Variants in SCN3A observed in about 807,000 individuals in gnomAD.
SCN3A encodes the protein sodium voltage-gated channel alpha subunit 3, also known as sodium channel protein type 3 subunit alpha.
SCN3A carries 60 observed loss-of-function variants against 187.6 expected under a neutral mutation model. The ratio of observed to expected loss-of-function variants is 0.32; its 90% CI spans 0.26 to 0.40. The LOEUF (loss-of-function observed/expected upper bound fraction) is 0.40. Among genes scored for constraint, SCN3A ranks in the 10% least tolerant of loss-of-function variants. SCN3A has a pLI of 1.00. For missense variants in SCN3A, 1,601 were observed against 2,428.2 expected (o/e 0.66, Z 7.16); for synonymous variants, 788 against 829.2 (o/e 0.95, Z 0.85).
intron 9 of SCN3A, among the ~76,000 whole-genome samples, chr2:165,156,904 TTTTTC>T (rs1689086465): frequency 6.6e-6 from 1 of 151,778 alleles, no homozygotes; most frequent in African/African-American, 2.4e-5. Flanking sequence ...TTCATCAGTT[TTTTTC>T]TTTTTTTTTG....
intron 15 of SCN3A, among the ~76,000 whole-genome samples, chr2:165,136,155 G>C (rs1003163236): frequency 1.3e-5 from 2 of 152,112 alleles, no homozygotes; most frequent in African/African-American, 4.8e-5. Context: ...TAGATTTGAT[G>C]CTTTTGTCTA....
At chr2:165,112,661 A>G (rs184435704) in intron 21 of SCN3A, among the ~76,000 whole-genome samples, 230 of 152,282 alleles carry the variant, frequency 1.5e-3, no homozygotes, top group African/African-American at 5.3e-3. Context: ...TATCTATGGT[A>G]AAGAACAATT....
intron 1 of SCN3A, among the ~76,000 whole-genome samples, chr2:165,192,649 A>G (rs1385899073): frequency 1.3e-5 from 2 of 152,158 alleles, no homozygotes; most frequent in East Asian, 1.9e-4. Flanking sequence ...AAAAGACCTC[A>G]GCCTCTGACA....
chr2:165,120,553 A>T (rs571270633), intron 18 of SCN3A, among the ~76,000 whole-genome samples: 12 of 152,158 alleles, frequency 7.9e-5, no homozygotes, highest in African/African-American at 2.9e-4. Flanking sequence ...TCAAGAGGCA[A>T]AATAAAAGAT....
chr2:165,169,993 AG>A (rs1690008906), intron 4 of SCN3A, among the ~76,000 whole-genome samples: 1 of 151,946 alleles, frequency 6.6e-6, no homozygotes, highest in Non-Finnish European at 1.5e-5. Context: ...GAAGACAGGA[AG>A]GACAGAAAGA....
rs558407270 is a variant in SCN3A at position 165,156,512 on chromosome 2, CAAAAAAAAAAAAAAAAAAA to C, written c.1032-628_1032-610del. ...TGGGTGACAGAGCGAGACTCTGACT[CAAAAAAAAAAAAAAAAAAA>C]AAAAAAAAAAAAAAAAAAAAAATTA... is the stretch of plus-strand genomic sequence containing the variant. On this transcript the variant is annotated intron_variant, in intron 9 of 27. Transcript: ENST00000283254. Among the ~76,000 whole-genome samples, 20 of 63,700 alleles carry C rather than the reference CAAAAAAAAAAAAAAAAAAA, an allele frequency of 3.1e-4. No individual in the cohort carries two copies. In the South Asian group the frequency reaches 3.2e-3, roughly 10 times the overall value. The allele number at this position is 63,700 out of a possible 152,430, so 41.8% of individuals were successfully genotyped here.
chr2:165,160,690 G>C (rs1334547310), intron 9 of SCN3A, among the ~76,000 whole-genome samples: 1 of 151,922 alleles, frequency 6.6e-6, no homozygotes, highest in South Asian at 2.1e-4. Flanking sequence ...ATCCAGGCTG[G>C]AGTGTAGTGG....
Position 165,090,612 on chromosome 2 carries a change from G to T in SCN3A, c.5541C>A (p.Ile1847=). The change falls in exon 28 of 28, where the codon ATC becomes ATA. Residue 1847 remains isoleucine (I), a synonymous_variant. Transcript: ENST00000283254. The surrounding 1 kb of genome is among the most constrained non-coding windows in gnomAD (Gnocchi z 4.0). ...AGGCAAATAAAATATCAAGACAGTG[G>T]ATCCGGTCACCACTGACCATGGGCA... ...MDLPMVSGDR[I]HCLDILFAFT... is the part of the protein sequence containing the mutation. 6.2e-7 allele frequency: 1 copy of T among 1,614,012 alleles called. No homozygotes were observed. The highest frequency in any genetic ancestry group is 8.5e-7 in the Non-Finnish European group (1 of 1,179,980).
intron 2 of SCN3A, among the ~76,000 whole-genome samples, chr2:165,179,133 A>AG (rs1276517275): frequency 6.6e-6 from 1 of 151,762 alleles, no homozygotes; most frequent in Non-Finnish European, 1.5e-5. Context: ...TTCTTAGAGG[A>AG]GAAAAAAAAA....
intron 24 of SCN3A, 108 bp from the exon 25 acceptor site, chr2:165,095,756 A>C: frequency 1.6e-6 from 1 of 619,048 alleles, no homozygotes; most frequent in Non-Finnish European, 2.7e-6. Flanking sequence ...CTTTTGCCTT[A>C]CCCTGAGATA....
intron 1 of SCN3A, among the ~76,000 whole-genome samples, chr2:165,199,334 A>G (rs1485848807): frequency 6.6e-6 from 1 of 152,106 alleles, no homozygotes; most frequent in South Asian, 2.1e-4. Context: ...ATGAAAACCT[A>G]ATTCAATTCT....
Position 165,130,057 on chromosome 2 carries a change from A to G in SCN3A, c.2805T>C (p.Ile935=), listed in dbSNP as rs1005744422. Residue 935 remains isoleucine (I), a synonymous_variant, in exon 17 of 28, where the codon ATT becomes ATC. Coordinates refer to ENST00000283254, the MANE Select transcript of SCN3A (RefSeq NM_006922.4). ...ACTCTCCACACAGCACGCGGAACAC[A>G]ATCAGGAAGGAGTGGAAGAAGTCGT... ...HMNDFFHSFL[I]VFRVLCGEWI... The G allele has an allele frequency of 2.7e-5, 44 of 1,614,022 alleles. No homozygotes were observed. Among genetic ancestry groups the G allele is most frequent in the Non-Finnish European group, 3.7e-5 (44 of 1,180,034 alleles).
rs755925430 is a variant in SCN3A, at chr2:165,097,423, C to A, written c.4068G>T (p.Leu1356Phe). 6.2e-7 allele frequency: 1 copy of A among 1,613,968 alleles called. No individual in the cohort carries two copies. The highest frequency in any genetic ancestry group is 1.1e-5 in the South Asian group (1 of 91,064). The change falls in exon 23 of 28, where the codon TTG (leucine) becomes TTT (phenylalanine). Residue 1356 changes from leucine (L) to phenylalanine (F), a missense_variant. This residue lies in a region of SCN3A where 320 missense variants were observed against 623.2 expected (regional missense o/e 0.51). Coordinates refer to ENST00000283254, the MANE Select transcript of SCN3A (RefSeq NM_006922.4). The part of the protein sequence containing the change: ...WLIFSIMGVN[L>F]FAGKFYHCVN... ...CACAGTGGTAGAACTTGCCAGCAAACAAATTCACACCCATGATGCTAAAGA... is the reference window on the plus strand; with the variant it reads ...CACAGTGGTAGAACTTGCCAGCAAAAAAATTCACACCCATGATGCTAAAGA...
At chr2:165,175,997 ATAAG>A in intron 3 of SCN3A, 130 bp downstream of exon 3, 1 of 766,122 alleles carries the variant, frequency 1.3e-6, no homozygotes, top group Non-Finnish European at 2.1e-6. Context: ...TGTGATAAAA[ATAAG>A]TGACAGTGAA....
At chr2:165,149,194 T>C (rs1200055081) in intron 11 of SCN3A, among the ~76,000 whole-genome samples, 1 of 128,902 alleles carries the variant, frequency 7.8e-6, no homozygotes, top group Non-Finnish European at 1.7e-5. Context: ...TTTTTTTTTT[T>C]AGATGGGGTC....
chr2:165,153,450 C>T (rs1574238373), intron 11 of SCN3A, among the ~76,000 whole-genome samples: 1 of 151,948 alleles, frequency 6.6e-6, no homozygotes, highest in East Asian at 1.9e-4. Flanking sequence ...ATAAACTGCA[C>T]TTTAAATATT....
intron 11 of SCN3A, among the ~76,000 whole-genome samples, chr2:165,151,995 C>T (rs1390604850): frequency 6.6e-6 from 1 of 152,050 alleles, no homozygotes; most frequent in Non-Finnish European, 1.5e-5. Context: ...GCTGGTCCTG[C>T]CTAACAAATT....
chr2:165,198,988 G>A (rs1272731233), intron 1 of SCN3A, among the ~76,000 whole-genome samples: 1 of 151,940 alleles, frequency 6.6e-6, no homozygotes, highest in Non-Finnish European at 1.5e-5. Context: ...TTGGACTCTA[G>A]ACCAGAAGCG....
chr2:165,095,723 T>C (rs1232847020), intron 24 of SCN3A, 75 bp from the exon 25 acceptor site: 1 of 886,982 alleles, frequency 1.1e-6, no homozygotes, highest in Non-Finnish European at 1.8e-6. Flanking sequence ...ATTTATTGAG[T>C]GCTGTTACTT....
Sources: gnomAD v4.1 joint callset for allele counts (sites outside exome capture counted in the v4.1 genomes callset) on GRCh38, gnomAD v4.1.1 for gene constraint, gnomAD v4.1.1 regional missense constraint, Gnocchi (gnomAD v3.1) non-coding constraint, MANE v1.5 for transcripts, NCBI Gene and HGNC (gene_info 2026-07-23, HGNC 2026-07-21) for gene names.